Variants in ZCCHC14 observed in about 807,000 individuals in gnomAD.
The protein encoded by ZCCHC14 is zinc finger CCHC domain-containing protein 14.
ZCCHC14 carries 16 observed loss-of-function variants against 85.0 expected under a neutral mutation model. That is an observed-to-expected ratio of 0.19 (90% confidence interval 0.13 to 0.29). The LOEUF (loss-of-function observed/expected upper bound fraction) is 0.29, where lower values mean the gene tolerates loss of function less well. Among genes scored for constraint, ZCCHC14 ranks in the 10% least tolerant of loss-of-function variants. The pLI is 1.00. For missense variants in ZCCHC14, 1,303 were observed against 1,443.5 expected (o/e 0.90, Z 1.58); for synonymous variants, 775 against 630.7 (o/e 1.23, Z -3.43).
At position 87,411,958 on chromosome 16, in the gene ZCCHC14, G is replaced by A; in HGVS notation, c.2763C>T (p.Gly921=). The change falls in exon 12 of 13, where the codon GGC becomes GGT. Residue 921 remains glycine (G), a synonymous_variant. Transcript: ENST00000671377. ...AGCCACAGGACGTGCACACAATGCAGCCTGGCGGGGGTGGGGCGGGCTGCG... is the reference window on the plus strand; with the variant it reads ...AGCCACAGGACGTGCACACAATGCAACCTGGCGGGGGTGGGGCGGGCTGCG... ...APPQPAPPPP[G]CIVCTSCGCS... is the part of the protein sequence containing the mutation. 7 of 1,604,510 alleles carry A rather than the reference G, an allele frequency of 4.4e-6. No homozygotes were observed. The highest frequency in any genetic ancestry group is 5.9e-6 in the Non-Finnish European group (7 of 1,176,550).
intron 2 of ZCCHC14, among the ~76,000 whole-genome samples, chr16:87,450,559 T>C (rs1910647040): frequency 6.6e-6 from 1 of 151,426 alleles, no homozygotes; most frequent in Admixed American, 6.6e-5. Context: ...ATAAAGCTGA[T>C]AATAGATTCT....
chr16:87,413,000 C>A lies in ZCCHC14; in HGVS notation c.1745-24G>T. The A allele has an allele frequency of 1.9e-6, 3 of 1,613,880 alleles. No individual in the cohort carries two copies. In the South Asian group the frequency reaches 3.3e-5, roughly 18 times the overall value. ...ACCTAGAGAGGGAAACAAGAGTGGT[C>A]AGTGCCATTCCACAGCTGGGCCAGG... On this transcript the variant is annotated intron_variant, in intron 11 of 12. Coordinates refer to ENST00000671377, the MANE Select transcript of ZCCHC14 (RefSeq NM_015144.3).
rs1216519379 is a variant in ZCCHC14, at chr16:87,492,948, C to G, written c.-710G>C. On this transcript the variant is annotated 5_prime_UTR_variant, in exon 1 of 13. Coordinates refer to ENST00000671377, the MANE Select transcript of ZCCHC14 (RefSeq NM_015144.3). The surrounding 1 kb of genome is among the most constrained non-coding windows in gnomAD (Gnocchi z 6.7). ...ACGGCGACGGCGACGGCGACGGCGA[C>G]GGCGGAGGAGGCGCCGGCCGAGGAG... Among the ~76,000 whole-genome samples the G allele has an allele frequency of 6.6e-6, 1 of 150,824 alleles. No individual in the cohort carries two copies. The highest frequency in any genetic ancestry group is 6.6e-5 in the Admixed American group (1 of 15,154).
chr16:87,469,935 G>T (rs896359886), intron 1 of ZCCHC14, among the ~76,000 whole-genome samples: 1 of 152,132 alleles, frequency 6.6e-6, no homozygotes, highest in Non-Finnish European at 1.5e-5. Flanking sequence ...ACATGTGATC[G>T]TCTGTTCTAA....
rs73238669 is a variant in ZCCHC14 at position 87,411,577 on chromosome 16, G to A, written c.3144C>T (p.Cys1048=). 4.0e-3 allele frequency: 6,378 copies of A among 1,613,732 alleles called. 142 individuals are homozygous for A. In the African/African-American group the frequency reaches 0.054, roughly 14 times the overall value. The change falls in exon 12 of 13, where the codon TGC becomes TGT. Residue 1048 remains cysteine (C), a synonymous_variant. Coordinates refer to ENST00000671377, the MANE Select transcript of ZCCHC14 (RefSeq NM_015144.3). ...KKSGNLSCYN[C]GATGHRAQDC... is the part of the protein sequence containing the mutation. The stretch of plus-strand genomic sequence containing the variant: ...CCTGGGCGCGGTGACCAGTGGCCCC[G>A]CAGTTGTAACAAGATAGGTTCCCGC...
At chr16:87,425,560 G>C (rs1439506046) in intron 3 of ZCCHC14, among the ~76,000 whole-genome samples, 1 of 150,124 alleles carries the variant, frequency 6.7e-6, no homozygotes, top group South Asian at 2.1e-4. Flanking sequence ...TGGGCAACAA[G>C]AGCGAAACTC....
chr16:87,429,516 C>A (rs1387827362), intron 3 of ZCCHC14, among the ~76,000 whole-genome samples: 1 of 152,132 alleles, frequency 6.6e-6, no homozygotes, highest in African/African-American at 2.4e-5. Flanking sequence ...ACTTGTTGGG[C>A]ATGGCGGCTC....
In ZCCHC14 at chr16:87,491,414, T is replaced by A. The variant is rs966996583; in HGVS notation, c.570+255A>T. Among the ~76,000 whole-genome samples the A allele has an allele frequency of 1.3e-5, 2 of 151,844 alleles. No individual in the cohort carries two copies. The highest frequency in any genetic ancestry group is 4.8e-5 in the African/African-American group (2 of 41,308). ...TGGGATGTACGGCGGAGGCTTGGGA[T>A]GTACGGCGGAGGCTTGGGATGTACG... On this transcript the variant is annotated intron_variant, in intron 1 of 12. Transcript: ENST00000671377. This position sits in a 1 kb window ranked among gnomAD's most constrained non-coding sequence, Gnocchi z 5.9.
chr16:87,482,254 G>A (rs752742516), intron 1 of ZCCHC14, among the ~76,000 whole-genome samples: 7 of 152,256 alleles, frequency 4.6e-5, no homozygotes, highest in Non-Finnish European at 1.0e-4. Flanking sequence ...AGGTTTTTTG[G>A]ACTCATCAGT....
At chr16:87,444,156 C>T (rs991634467) in intron 2 of ZCCHC14, among the ~76,000 whole-genome samples, 9 of 152,036 alleles carry the variant, frequency 5.9e-5, no homozygotes, top group Admixed American at 5.2e-4. Context: ...AGGGCACACA[C>T]AGCATCAGAT....
chr16:87,461,141 C>T (rs1567534233), intron 1 of ZCCHC14, among the ~76,000 whole-genome samples: 1 of 152,216 alleles, frequency 6.6e-6, no homozygotes, highest in Non-Finnish European at 1.5e-5. Context: ...GCCCTCCTGA[C>T]CACCAGTGCT....
chr16:87,441,787 C>T (rs1474324795), intron 2 of ZCCHC14, among the ~76,000 whole-genome samples: 2 of 152,196 alleles, frequency 1.3e-5, no homozygotes, highest in Non-Finnish European at 2.9e-5. Flanking sequence ...TTGGGGCCAA[C>T]CTGTGTTTCA....
At chr16:87,482,250 T>C (rs1455852717) in intron 1 of ZCCHC14, among the ~76,000 whole-genome samples, 2 of 152,182 alleles carry the variant, frequency 1.3e-5, no homozygotes, top group Non-Finnish European at 2.9e-5. Flanking sequence ...CTTTAGGTTT[T>C]TTGGACTCAT....
intron 1 of ZCCHC14, among the ~76,000 whole-genome samples, chr16:87,485,117 A>G (rs1240766286): frequency 6.6e-6 from 1 of 152,216 alleles, no homozygotes; most frequent in Non-Finnish European, 1.5e-5. Context: ...GGCGGGGTCC[A>G]CAGTGCCCCT....
At chr16:87,428,949 G>A (rs1403782287) in intron 3 of ZCCHC14, among the ~76,000 whole-genome samples, 10 of 152,360 alleles carry the variant, frequency 6.6e-5, no homozygotes, top group South Asian at 2.1e-4. Context: ...GCCTGTCCAC[G>A]CGCCTGTGAA....
chr16:87,414,839 G>A (rs944883201), intron 9 of ZCCHC14, among the ~76,000 whole-genome samples: 2 of 152,254 alleles, frequency 1.3e-5, no homozygotes, highest in African/African-American at 4.8e-5. Flanking sequence ...CCAGCACTTT[G>A]GGAGGCCCAG....
At chr16:87,425,252 C>G (rs1316038532) in intron 3 of ZCCHC14, among the ~76,000 whole-genome samples, 1 of 152,186 alleles carries the variant, frequency 6.6e-6, no homozygotes, top group Admixed American at 6.5e-5. Flanking sequence ...AGGCGTGCAC[C>G]TTGCCACCCA....
intron 2 of ZCCHC14, among the ~76,000 whole-genome samples, chr16:87,459,511 A>G (rs1343874943): frequency 7.1e-6 from 1 of 140,536 alleles, no homozygotes; most frequent in Non-Finnish European, 1.5e-5. Context: ...GGCCTGGCTA[A>G]TTTTTTTTTT....
chr16:87,438,476 T>G (rs1910037096), intron 2 of ZCCHC14, among the ~76,000 whole-genome samples: 1 of 152,206 alleles, frequency 6.6e-6, no homozygotes, highest in African/African-American at 2.4e-5. Flanking sequence ...CAACTCACAG[T>G]TAATGACACA....
Sources: allele counts gnomAD v4.1 joint callset (sites outside exome capture counted in the v4.1 genomes callset), GRCh38; gene constraint gnomAD v4.1.1; non-coding constraint Gnocchi (gnomAD v3.1); transcripts MANE v1.5; gene names NCBI Gene and HGNC (gene_info 2026-07-23, HGNC 2026-07-21).